The following LRBA variants were observed in gnomAD, a reference collection of about 807,000 sequenced individuals.
LRBA encodes lipopolysaccharide-responsive and beige-like anchor protein.
LRBA carries 176 observed loss-of-function variants against 330.0 expected under a neutral mutation model. That is an observed-to-expected ratio of 0.53 (90% CI 0.47 to 0.60). The LOEUF (loss-of-function observed/expected upper bound fraction) is 0.60. Among genes scored for constraint, LRBA ranks in the 20% least tolerant of loss-of-function variants. The probability of loss-of-function intolerance (pLI) is 0.00; values close to 1 mark genes in which losing one functional copy is unlikely to be tolerated. For missense variants in LRBA, 3,259 were observed against 3,444.8 expected (o/e 0.95, Z 1.35); for synonymous variants, 1,230 against 1,193.0 (o/e 1.03, Z -0.64).
intron 40 of LRBA, among the ~76,000 whole-genome samples, chr4:150,559,669 ATATT>A (rs1767868894): frequency 8.2e-5 from 7 of 85,204 alleles, no homozygotes; most frequent in Non-Finnish European, 1.5e-4. Context: ...TATAATATAT[ATATT>A]ATATAATATA....
rs544460133 is a variant in LRBA at position 150,727,082 on chromosome 4, T to G, written c.5754+8176A>C. ...ACATTTCGTTGTTTTTTTTTTTTTT[T>G]TTTTTTTTGAGATGGAGTCTTGCTC... On this transcript the variant is annotated intron_variant, in intron 36 of 56. Transcript: ENST00000651943. Among the ~76,000 whole-genome samples the G allele has an allele frequency of 3.6e-5, 5 of 137,352 alleles. 1 individual carries two copies. In the South Asian group the frequency reaches 1.3e-3, roughly 35 times the overall value. 90.1% of individuals were successfully genotyped at this position (137,352 alleles called of 152,430 possible). A position where few individuals can be genotyped will look rare whatever the true frequency, so the allele number is the denominator to read the frequency against.
At chr4:150,765,679 C>T (rs958394488) in intron 34 of LRBA, among the ~76,000 whole-genome samples, 1 of 152,064 alleles carries the variant, frequency 6.6e-6, no homozygotes, top group Non-Finnish European at 1.5e-5. Context: ...ATTTTTATTA[C>T]ATAATTCAGA....
Position 150,908,676 on chromosome 4 carries a change from T to C in LRBA, c.1343A>G (p.His448Arg), listed in dbSNP as rs1430257314. 6.2e-7 allele frequency: 1 copy of C among 1,613,476 alleles called. No individual in the cohort carries two copies. Among genetic ancestry groups the C allele is most frequent in the Non-Finnish European group, 8.5e-7 (1 of 1,179,630 alleles). ...DNPSIFVHSPHALMLQDVKAV... is the reference protein window; with the variant it reads ...DNPSIFVHSPRALMLQDVKAV... ...AGTTAGTACCTGGAGCATGAGTGCA[T>C]GTGGTGAATGAACAAAAATTGAAGG... Residue 448 changes from histidine to arginine, a missense_variant, in exon 10 of 57, where the codon CAT becomes CGT. By Grantham distance (29) the His-to-Arg change is conservative (BLOSUM62 0). Coordinates refer to ENST00000651943, the MANE Select transcript of LRBA (RefSeq NM_001364905.1).
rs563355764 is a variant in LRBA at position 150,337,314 on chromosome 4, GA to G, written c.7363-11417del. On this transcript the variant is annotated intron_variant, in intron 48 of 56. Coordinates refer to ENST00000651943, the MANE Select transcript of LRBA (RefSeq NM_001364905.1). Reference sequence around the variant, plus strand: ...TCAGAATTCTGTAGGTAGTTAATAGGAAAAAAAATCATAAAAATATTAATAT... The same window carrying G: ...TCAGAATTCTGTAGGTAGTTAATAGGAAAAAAATCATAAAAATATTAATAT... 2.7e-3 allele frequency among the ~76,000 whole-genome samples: 405 copies of G among 151,742 alleles called. 1 individual carries two copies. The highest frequency in any genetic ancestry group is 4.5e-3 in the Non-Finnish European group (308 of 67,898).
At chr4:150,903,034 A>T (rs538926801) in intron 13 of LRBA, among the ~76,000 whole-genome samples, 4 of 152,344 alleles carry the variant, frequency 2.6e-5, no homozygotes, top group South Asian at 4.1e-4. Context: ...TTCTGAGAAC[A>T]ATGGGAAACC....
intron 40 of LRBA, among the ~76,000 whole-genome samples, chr4:150,527,826 C>G (rs1030293575): frequency 2.0e-5 from 3 of 152,118 alleles, no homozygotes; most frequent in Admixed American, 6.5e-5. Flanking sequence ...AAATGAGAAG[C>G]CTTGTTCTCC....
At chr4:150,916,324 T>C (rs1404579731) in intron 7 of LRBA, 77 bp downstream of exon 7, 6 of 1,392,202 alleles carry the variant, frequency 4.3e-6, no homozygotes, top group Middle Eastern at 2.3e-4. Flanking sequence ...TGTTATTATA[T>C]GAATAACATT....
At chr4:150,899,944 A>G in intron 14 of LRBA, 105 bp downstream of exon 14, 1 of 725,962 alleles carries the variant, frequency 1.4e-6, no homozygotes, top group Non-Finnish European at 2.1e-6. Flanking sequence ...ATAATGGAAT[A>G]TAGAAAAACT....
At chr4:150,958,599 G>A (rs1354030496) in intron 2 of LRBA, among the ~76,000 whole-genome samples, 5 of 149,096 alleles carry the variant, frequency 3.4e-5, no homozygotes, top group Admixed American at 2.6e-4. Context: ...TCAGAAAATG[G>A]GTTTTTCTTT....
At chr4:150,940,265 G>C (rs1389025580) in intron 2 of LRBA, among the ~76,000 whole-genome samples, 5 of 149,586 alleles carry the variant, frequency 3.3e-5, no homozygotes, top group Non-Finnish European at 7.4e-5. Context: ...TAGCCTGGCA[G>C]GTGGCACATG....
At chr4:150,466,447 G>C (rs1168865083) in intron 44 of LRBA, among the ~76,000 whole-genome samples, 1 of 152,072 alleles carries the variant, frequency 6.6e-6, no homozygotes, top group African/African-American at 2.4e-5. Context: ...TGGGTATTCA[G>C]TGGAGCTTTA....
At chr4:150,747,498 C>T (rs1484173967) in intron 35 of LRBA, among the ~76,000 whole-genome samples, 4 of 152,174 alleles carry the variant, frequency 2.6e-5, no homozygotes, top group African/African-American at 7.2e-5. Context: ...CTTTGACTAT[C>T]CACTTCTGCC....
intron 35 of LRBA, among the ~76,000 whole-genome samples, chr4:150,748,537 G>A (rs1226616483): frequency 6.6e-6 from 1 of 151,894 alleles, no homozygotes; most frequent in Non-Finnish European, 1.5e-5. Context: ...CATGGTGGTG[G>A]GCACCTGTAA....
At chr4:150,995,601 T>C (rs963245063) in intron 2 of LRBA, among the ~76,000 whole-genome samples, 2 of 151,976 alleles carry the variant, frequency 1.3e-5, no homozygotes, top group Non-Finnish European at 2.9e-5. Context: ...ATTGGATATT[T>C]GAGAGGAGAT....
intron 40 of LRBA, among the ~76,000 whole-genome samples, chr4:150,572,196 T>G (rs2152285455): frequency 6.6e-6 from 1 of 152,200 alleles, no homozygotes; most frequent in East Asian, 1.9e-4. Context: ...TCATCAAACT[T>G]TAGTCATTAA....
chr4:150,469,153 A>G (rs1463622980), intron 43 of LRBA, among the ~76,000 whole-genome samples: 3 of 152,152 alleles, frequency 2.0e-5, no homozygotes, highest in African/African-American at 7.2e-5. Context: ...TACCTAAAAA[A>G]TGAAGAGTAT....
intron 2 of LRBA, among the ~76,000 whole-genome samples, chr4:150,934,299 A>G (rs941432273): frequency 2.6e-5 from 4 of 152,250 alleles, no homozygotes; most frequent in African/African-American, 9.6e-5. Flanking sequence ...TAAAAATCTC[A>G]TACTTACATA....
chr4:150,906,146 G>A (rs371504176), intron 12 of LRBA, 151 bp downstream of exon 12: 3 of 777,912 alleles, frequency 3.9e-6, no homozygotes, highest in Non-Finnish European at 4.2e-6. Context: ...GAGGAATGGA[G>A]GCAAGGTAAA....
intron 2 of LRBA, among the ~76,000 whole-genome samples, chr4:150,936,042 C>G (rs895002982): frequency 6.8e-6 from 1 of 147,696 alleles, no homozygotes; most frequent in Non-Finnish European, 1.5e-5. Flanking sequence ...CATGAACAGT[C>G]AATTCACAAA....
Sources: allele counts gnomAD v4.1 joint callset (sites outside exome capture counted in the v4.1 genomes callset), GRCh38; gene constraint gnomAD v4.1.1; transcripts MANE v1.5; gene names NCBI Gene and HGNC (gene_info 2026-07-23, HGNC 2026-07-21).